GPC6: variants seen among roughly 807,000 people sequenced by gnomAD.
GPC6 encodes glypican 6, also known as glypican-6.
A neutral mutation model predicts 55.2 loss-of-function variants in GPC6; 14 were observed. The observed-to-expected ratio is 0.25, with a 90% CI of 0.17 to 0.40. GPC6 has a LOEUF of 0.40. Among genes scored for constraint, GPC6 ranks in the 10% least tolerant of loss-of-function variants. The pLI is 1.00. For synonymous variants in GPC6, 278 were observed against 259.6 expected, an observed-to-expected ratio of 1.07 and a Z score of -0.68; for missense variants, 641 against 708.5, an observed-to-expected ratio of 0.90 and a Z score of 1.08.
chr13:93,677,153 T>C (rs1881666080), intron 2 of GPC6, among the ~76,000 whole-genome samples: 1 of 152,112 alleles, frequency 6.6e-6, no homozygotes, highest in African/African-American at 2.4e-5. Flanking sequence ...GAAGCAATAG[T>C]TTTAGTAATT....
At chr13:93,529,657 C>G (rs1015461447) in intron 1 of GPC6, among the ~76,000 whole-genome samples, 3 of 151,586 alleles carry the variant, frequency 2.0e-5, no homozygotes, top group South Asian at 2.1e-4. Flanking sequence ...GCTGGGATTA[C>G]AGGTGCCCGC....
At chr13:93,410,693 AAAG>A (rs1305601043) in intron 1 of GPC6, among the ~76,000 whole-genome samples, 1 of 152,206 alleles carries the variant, frequency 6.6e-6, no homozygotes, top group Non-Finnish European at 1.5e-5. Context: ...TTTTCATGTG[AAAG>A]AAGAAGAAAA....
chr13:93,665,040 GC>G (rs1269342721), intron 2 of GPC6, among the ~76,000 whole-genome samples: 1 of 152,170 alleles, frequency 6.6e-6, no homozygotes, highest in African/African-American at 2.4e-5. Flanking sequence ...GGCCCAATCA[GC>G]TATCAGGGTA....
intron 2 of GPC6, among the ~76,000 whole-genome samples, chr13:93,823,203 T>A (rs1254239667): frequency 1.5e-5 from 2 of 137,822 alleles, no homozygotes; most frequent in Non-Finnish European, 3.1e-5. Flanking sequence ...GACTTTAGAA[T>A]GCATTTTGCA....
At chr13:93,905,077 CTTTTT>C (rs11308770) in intron 3 of GPC6, among the ~76,000 whole-genome samples, 1 of 133,840 alleles carries the variant, frequency 7.5e-6, no homozygotes. Context: ...AGCATTCTCT[CTTTTT>C]TTTTTTTTTT....
intron 6 of GPC6, among the ~76,000 whole-genome samples, chr13:94,366,653 T>G (rs1320275103): frequency 2.0e-5 from 3 of 152,248 alleles, no homozygotes; most frequent in Non-Finnish European, 4.4e-5. Context: ...GAATCAGCAC[T>G]TGTCACAATC....
chr13:93,680,979 T>C (rs1881826463), intron 2 of GPC6, among the ~76,000 whole-genome samples: 1 of 152,146 alleles, frequency 6.6e-6, no homozygotes, highest in Non-Finnish European at 1.5e-5. Context: ...GTTTCAAGAA[T>C]ACAGGTAAGA....
intron 1 of GPC6, among the ~76,000 whole-genome samples, chr13:93,514,132 C>T (rs544937745): frequency 4.6e-5 from 7 of 152,128 alleles, no homozygotes; most frequent in Non-Finnish European, 8.8e-5. Context: ...CTCAGCCTCC[C>T]GAAATGCTGG....
At chr13:93,411,412 A>T (rs572742129) in intron 1 of GPC6, among the ~76,000 whole-genome samples, 1 of 152,182 alleles carries the variant, frequency 6.6e-6, no homozygotes, top group Non-Finnish European at 1.5e-5. Flanking sequence ...TGATTATCTT[A>T]GTGGCTACAG....
intron 2 of GPC6, among the ~76,000 whole-genome samples, chr13:93,554,545 A>T (rs376343652): frequency 6.6e-6 from 1 of 152,228 alleles, no homozygotes; most frequent in East Asian, 1.9e-4. Flanking sequence ...TCCAAACCCG[A>T]ACTTTGGCAA....
At chr13:93,723,621 T>C (rs1439562101) in intron 2 of GPC6, among the ~76,000 whole-genome samples, 1 of 151,878 alleles carries the variant, frequency 6.6e-6, no homozygotes, top group Non-Finnish European at 1.5e-5. Context: ...TCTTTTGGTG[T>C]CATTTGTTAT....
intron 2 of GPC6, among the ~76,000 whole-genome samples, chr13:93,595,488 T>G (rs1452008322): frequency 6.6e-6 from 1 of 152,200 alleles, no homozygotes; most frequent in African/African-American, 2.4e-5. Context: ...AGGCTGTTAT[T>G]TGGTATACTA....
At chr13:93,895,631 A>G (rs1487455642) in intron 3 of GPC6, among the ~76,000 whole-genome samples, 1 of 152,012 alleles carries the variant, frequency 6.6e-6, no homozygotes, top group Admixed American at 6.6e-5. Flanking sequence ...TGTTGTTTAT[A>G]TCAGACAATA....
At chr13:93,740,643 T>C (rs1346422449) in intron 2 of GPC6, among the ~76,000 whole-genome samples, 1 of 152,222 alleles carries the variant, frequency 6.6e-6, no homozygotes, top group East Asian at 1.9e-4. Flanking sequence ...AATCTCCTGA[T>C]CATATTTCAA....
At chr13:93,676,483 C>G (rs1881638826) in intron 2 of GPC6, among the ~76,000 whole-genome samples, 1 of 151,752 alleles carries the variant, frequency 6.6e-6, no homozygotes, top group Middle Eastern at 3.2e-3. Context: ...GAATGAGGAG[C>G]AAATTCAAAT....
At chr13:93,980,511 T>C (rs945962467) in intron 3 of GPC6, among the ~76,000 whole-genome samples, 24 of 152,124 alleles carry the variant, frequency 1.6e-4, no homozygotes, top group African/African-American at 5.1e-4. Flanking sequence ...GGGCTTAGTA[T>C]TGAATGTGTA....
At chr13:94,398,425 T>C in intron 7 of GPC6, 41 bp from the exon 8 acceptor site, 1 of 1,464,654 alleles carries the variant, frequency 6.8e-7, no homozygotes, top group Non-Finnish European at 9.6e-7. Context: ...ACAGTTTCTG[T>C]GGCATCTCCC....
intron 4 of GPC6, among the ~76,000 whole-genome samples, chr13:94,136,221 G>T (rs1321221616): frequency 7.0e-6 from 1 of 142,944 alleles, no homozygotes; most frequent in South Asian, 2.2e-4. Context: ...TCACTTCACT[G>T]GCAATCCTTT....
rs16949596 is a variant in GPC6, at chr13:94,202,173, T to C, written c.878-84176T>C. On this transcript the variant is annotated intron_variant, in intron 4 of 8. Transcript: ENST00000377047. Reference sequence around the variant, plus strand: ...CAGGGGCCATTCTAACTTAAAATCCTTTGTAAATTCTCAGTGTTTCCAGCC... The same window carrying C: ...CAGGGGCCATTCTAACTTAAAATCCCTTGTAAATTCTCAGTGTTTCCAGCC... 7.1e-3 allele frequency among the ~76,000 whole-genome samples: 1,086 copies of C among 152,310 alleles called. 17 individuals carry two copies. Among genetic ancestry groups the C allele is most frequent in the African/African-American group, 0.025 (1,028 of 41,564 alleles).
Sources: allele counts gnomAD v4.1 joint callset (sites outside exome capture counted in the v4.1 genomes callset), GRCh38; gene constraint gnomAD v4.1.1; transcripts MANE v1.5; gene names NCBI Gene and HGNC (gene_info 2026-07-23, HGNC 2026-07-21).